SLC15A5: variants seen among roughly 807,000 people sequenced by gnomAD.
SLC15A5 encodes the protein solute carrier family 15 member 5.
Under a neutral mutation model 56.1 loss-of-function variants are expected in SLC15A5, and 58 were observed. The observed-to-expected ratio is 1.03, with a 90% CI of 0.84 to 1.29. The LOEUF is 1.29. SLC15A5 is among the 50% of genes most tolerant of loss of function. The probability of loss-of-function intolerance (pLI) is 0.00; values close to 1 mark genes in which losing one functional copy is unlikely to be tolerated. For synonymous variants in SLC15A5, 264 were observed against 250.5 expected (o/e 1.05, Z -0.51); for missense variants, 681 against 672.1 (o/e 1.01, Z -0.15).
At chr12:16,272,434 G>T in intron 2 of SLC15A5, 127 bp downstream of exon 2, 1 of 863,654 alleles carries the variant, frequency 1.2e-6, no homozygotes, top group Non-Finnish European at 1.8e-6. Flanking sequence ...CATCATCACA[G>T]ATTCATCACA....
At chr12:16,275,710 G>A (rs891941727) in intron 1 of SLC15A5, among the ~76,000 whole-genome samples, 3 of 152,002 alleles carry the variant, frequency 2.0e-5, no homozygotes, top group Non-Finnish European at 2.9e-5. Context: ...TGGATGTAGA[G>A]TTGACTTAAG....
intron 7 of SLC15A5, among the ~76,000 whole-genome samples, chr12:16,213,733 G>A (rs776333046): frequency 6.6e-6 from 1 of 152,148 alleles, no homozygotes; most frequent in Non-Finnish European, 1.5e-5. Context: ...TTGATGAGTG[G>A]TAATTTAAAT....
At chr12:16,273,037 C>T (rs1251254458) in intron 1 of SLC15A5, among the ~76,000 whole-genome samples, 1 of 151,438 alleles carries the variant, frequency 6.6e-6, no homozygotes, top group African/African-American at 2.4e-5. Flanking sequence ...TGTTTTCTCT[C>T]AGAATGTATG....
chr12:16,201,217 A>G (rs568167892), intron 7 of SLC15A5, among the ~76,000 whole-genome samples: 1 of 152,284 alleles, frequency 6.6e-6, no homozygotes, highest in Admixed American at 6.5e-5. Flanking sequence ...TTCCACTGAC[A>G]CTTTTCACAG....
In SLC15A5 at chr12:16,239,670, A is replaced by T; in HGVS notation, c.1162+11T>A. The T allele has an allele frequency of 6.5e-7, 1 of 1,533,870 alleles. No individual in the cohort carries two copies. ...CAAACGATTCGCATGAAATGGTTAA[A>T]TTGTACTTACTGATGCATGTTGACA... On this transcript the variant is annotated intron_variant, in intron 5 of 8. Transcript: ENST00000344941.
chr12:16,247,968 A>G (rs907326472), intron 3 of SLC15A5, among the ~76,000 whole-genome samples: 4 of 152,164 alleles, frequency 2.6e-5, no homozygotes, highest in Admixed American at 2.0e-4. Flanking sequence ...AGACTAGTAC[A>G]GTAGTAGCCA....
chr12:16,202,678 AGTACT>A (rs1863969188), intron 7 of SLC15A5, among the ~76,000 whole-genome samples: 1 of 152,192 alleles, frequency 6.6e-6, no homozygotes. Context: ...AGTTTGTTGC[AGTACT>A]GTTCACAATA....
intron 3 of SLC15A5, among the ~76,000 whole-genome samples, chr12:16,250,020 G>A (rs1864504092): frequency 6.6e-6 from 1 of 151,924 alleles, no homozygotes; most frequent in Admixed American, 6.6e-5. Flanking sequence ...TCAGAAACAG[G>A]GCAGAGGCTT....
At chr12:16,241,957 G>C (rs1183758119) in intron 4 of SLC15A5, among the ~76,000 whole-genome samples, 1 of 152,106 alleles carries the variant, frequency 6.6e-6, no homozygotes, top group Non-Finnish European at 1.5e-5. Flanking sequence ...CTGAAGTTCT[G>C]AAATCATCGC....
chr12:16,223,073 C>T (rs1864203653), intron 6 of SLC15A5, among the ~76,000 whole-genome samples: 1 of 152,020 alleles, frequency 6.6e-6, no homozygotes, highest in African/African-American at 2.4e-5. Context: ...TATACTCCAA[C>T]TTAATTTTAT....
intron 2 of SLC15A5, among the ~76,000 whole-genome samples, chr12:16,264,247 G>T (rs1289607371): frequency 6.6e-6 from 1 of 152,232 alleles, no homozygotes; most frequent in Admixed American, 6.5e-5. Context: ...GAGACATGGA[G>T]TCAAAGGAGA....
rs987208064 is a variant in SLC15A5 at position 16,271,937 on chromosome 12, G to A, written c.584+624C>T. Among the ~76,000 whole-genome samples the A allele has an allele frequency of 6.6e-6, 1 of 152,166 alleles. No homozygotes were observed. Among genetic ancestry groups the A allele is most frequent in the Non-Finnish European group, 1.5e-5 (1 of 68,028 alleles). On this transcript the variant is annotated intron_variant, in intron 2 of 8. Transcript: ENST00000344941. This position sits in a 1 kb window ranked among gnomAD's most constrained non-coding sequence, Gnocchi z 8.0. ...ATAAACTCTTTTAGGTGTTGGGAGC[G>A]AACTGGGTGAGAAACAGAGATGCTG...
Position 16,252,438 on chromosome 12 carries a change from ATT to A in SLC15A5, c.754+5261_754+5262del, listed in dbSNP as rs1231504878. The stretch of plus-strand genomic sequence containing the variant: ...AGAATTCGACACAAAAGTCATTAGA[ATT>A]AATAAAGGAGTTCAGCAGTTTCAGA... On this transcript the variant is annotated intron_variant, in intron 3 of 8. Transcript: ENST00000344941. 5.9e-5 allele frequency among the ~76,000 whole-genome samples: 9 copies of A among 152,212 alleles called. No individual in the cohort carries two copies. In the South Asian group the frequency reaches 1.9e-3, roughly 32 times the overall value.
intron 7 of SLC15A5, among the ~76,000 whole-genome samples, chr12:16,206,139 C>A (rs1864016471): frequency 6.6e-6 from 1 of 152,052 alleles, no homozygotes; most frequent in African/African-American, 2.4e-5. Context: ...GCTTCTGTAC[C>A]ACAGGAAATA....
At chr12:16,211,536 A>G (rs1355769138) in intron 7 of SLC15A5, among the ~76,000 whole-genome samples, 2 of 152,158 alleles carry the variant, frequency 1.3e-5, no homozygotes, top group South Asian at 2.1e-4. Context: ...GGATCTTTCA[A>G]TCGCCTGCAT....
chr12:16,236,396 C>T (rs1451488118), intron 5 of SLC15A5, among the ~76,000 whole-genome samples: 1 of 152,104 alleles, frequency 6.6e-6, no homozygotes, highest in Admixed American at 6.5e-5. Context: ...ACACTCTGAG[C>T]CTATGAAGTC....
Position 16,217,035 on chromosome 12 carries a change from AAGAG to A in SLC15A5, c.1352-15_1352-12del. On this transcript the variant is annotated splice_polypyrimidine_tract_variant and intron_variant, in intron 6 of 8. Transcript: ENST00000344941. ...ATGATATTACAGAGACTGAGAGAAAAAGAGAGGTCAGAATTTAGAACTTTCTCCT... is the reference window on the plus strand; with the variant it reads ...ATGATATTACAGAGACTGAGAGAAAAAGGTCAGAATTTAGAACTTTCTCCT... 1.1e-5 allele frequency: 17 copies of A among 1,529,062 alleles called. No individual in the cohort carries two copies. The highest frequency in any genetic ancestry group is 6.9e-5 in the African/African-American group (5 of 72,752). 94.7% of individuals were successfully genotyped at this position (1,529,062 alleles called of 1,614,324 possible). A position where few individuals can be genotyped will look rare whatever the true frequency, so the allele number is the denominator to read the frequency against.
chr12:16,242,782 A>G (rs1489391777), intron 4 of SLC15A5, among the ~76,000 whole-genome samples: 2 of 152,222 alleles, frequency 1.3e-5, no homozygotes, highest in Non-Finnish European at 1.5e-5. Context: ...TATGAAGGTA[A>G]GGAACTGGTA....
intron 3 of SLC15A5, among the ~76,000 whole-genome samples, chr12:16,254,588 T>C (rs1435289064): frequency 1.3e-5 from 2 of 152,186 alleles, no homozygotes; most frequent in African/African-American, 4.8e-5. Flanking sequence ...CTTTATTCAT[T>C]CATTTGTTGT....
Sources: gnomAD v4.1 joint callset for allele counts (sites outside exome capture counted in the v4.1 genomes callset) on GRCh38, gnomAD v4.1.1 for gene constraint, Gnocchi (gnomAD v3.1) non-coding constraint, MANE v1.5 for transcripts, NCBI Gene and HGNC (gene_info 2026-07-23, HGNC 2026-07-21) for gene names.